Variants in FBXW7 observed in about 807,000 individuals in gnomAD.
FBXW7 encodes the protein F-box and WD repeat domain containing 7, also known as F-box/WD repeat-containing protein 7.
Under a neutral mutation model 86.3 loss-of-function variants are expected in FBXW7, and 11 were observed. That is an observed-to-expected ratio of 0.13 (90% CI 0.08 to 0.21). The LOEUF is 0.21. FBXW7 is among the 10% of genes least tolerant of loss of function. The pLI, the probability that FBXW7 is intolerant of heterozygous loss-of-function variation, is 1.00. For synonymous variants in FBXW7, 313 were observed against 297.9 expected, an observed-to-expected ratio of 1.05 and a Z score of -0.52; for missense variants, 488 against 847.4, an observed-to-expected ratio of 0.58 and a Z score of 5.27.
intron 2 of FBXW7, among the ~76,000 whole-genome samples, chr4:152,496,335 G>A (rs963862653): frequency 1.3e-5 from 2 of 151,734 alleles, no homozygotes; most frequent in Admixed American, 6.6e-5. Context: ...TGCCATTCAC[G>A]ATGGTAACAA....
At chr4:152,487,027 ATT>A (rs1384809792) in intron 2 of FBXW7, among the ~76,000 whole-genome samples, 1 of 152,170 alleles carries the variant, frequency 6.6e-6, no homozygotes, top group African/African-American at 2.4e-5. Flanking sequence ...ACAATAATGG[ATT>A]TTAGTTCACC....
chr4:152,426,539 A>G (rs1010357135), intron 2 of FBXW7, among the ~76,000 whole-genome samples: 2 of 152,032 alleles, frequency 1.3e-5, no homozygotes, highest in African/African-American at 4.8e-5. Context: ...TAGTAGAGAC[A>G]GGAGTGTCAC....
chr4:152,448,224 C>T (rs1345586387), intron 2 of FBXW7, among the ~76,000 whole-genome samples: 1 of 152,214 alleles, frequency 6.6e-6, no homozygotes, highest in Admixed American at 6.5e-5. Flanking sequence ...AAGTGGTTGT[C>T]AGTGCAGCTA....
chr4:152,395,431 G>GT (rs1226130754), intron 4 of FBXW7, among the ~76,000 whole-genome samples: 4 of 151,814 alleles, frequency 2.6e-5, no homozygotes, highest in Admixed American at 1.3e-4. Flanking sequence ...TTCTACTCCA[G>GT]TATTGTCCCT....
chr4:152,439,811 A>T (rs1277991611), intron 2 of FBXW7, among the ~76,000 whole-genome samples: 5 of 149,600 alleles, frequency 3.3e-5, no homozygotes, highest in Non-Finnish European at 4.4e-5. Context: ...GCTTGCAGTG[A>T]GCCAAGATCG....
chr4:152,501,904 T>A (rs1274469312), intron 2 of FBXW7, among the ~76,000 whole-genome samples: 1 of 152,148 alleles, frequency 6.6e-6, no homozygotes, highest in Non-Finnish European at 1.5e-5. Flanking sequence ...TCTGATTAAA[T>A]CCTTTTATCC....
At chr4:152,460,641 G>C (rs1742853618) in intron 2 of FBXW7, among the ~76,000 whole-genome samples, 1 of 152,208 alleles carries the variant, frequency 6.6e-6, no homozygotes, top group Non-Finnish European at 1.5e-5. Flanking sequence ...TCCATGGCTA[G>C]AGGTCGCCAT....
intron 2 of FBXW7, chr4:152,530,152 T>C (rs966772813): frequency 1.3e-5 from 2 of 151,336 alleles, no homozygotes; most frequent in Admixed American, 6.6e-5. Flanking sequence ...TATATGTATA[T>C]ACATCAAAGC....
chr4:152,399,481 A>G (rs971319553), intron 4 of FBXW7, among the ~76,000 whole-genome samples: 2 of 152,198 alleles, frequency 1.3e-5, no homozygotes, highest in African/African-American at 4.8e-5. Context: ...GCACAAAGAC[A>G]AGAAAAGGAA....
chr4:152,340,010 AGAACAGAT>A (rs1247729163), intron 6 of FBXW7, among the ~76,000 whole-genome samples: 1 of 151,930 alleles, frequency 6.6e-6, no homozygotes, highest in Admixed American at 6.6e-5. Context: ...TAAAGAAGAC[AGAACAGAT>A]GAACAGATGA....
At chr4:152,503,972 A>C (rs1406405581) in intron 2 of FBXW7, among the ~76,000 whole-genome samples, 1 of 152,248 alleles carries the variant, frequency 6.6e-6, no homozygotes, top group Non-Finnish European at 1.5e-5. Context: ...AATACATTTA[A>C]AACATCTGTG....
chr4:152,422,694 C>A (rs746090035), intron 2 of FBXW7, among the ~76,000 whole-genome samples: 1 of 152,116 alleles, frequency 6.6e-6, no homozygotes, highest in East Asian at 1.9e-4. Context: ...TTCTTGTGAC[C>A]ACCACACAGC....
At chr4:152,429,144 C>T (rs1007861453) in intron 2 of FBXW7, among the ~76,000 whole-genome samples, 12 of 152,036 alleles carry the variant, frequency 7.9e-5, no homozygotes, top group East Asian at 1.9e-4. Context: ...GAGCCGAGAT[C>T]GGGTCATTGC....
intron 11 of FBXW7, 34 bp downstream of exon 11, chr4:152,328,170 GAGGA>G: frequency 6.5e-7 from 1 of 1,550,340 alleles, no homozygotes; most frequent in Non-Finnish European, 8.7e-7. Flanking sequence ...ACCAATAATA[GAGGA>G]AGAAGTCCCA....
intron 2 of FBXW7, among the ~76,000 whole-genome samples, chr4:152,478,510 T>C (rs1284880054): frequency 2.0e-5 from 3 of 152,190 alleles, no homozygotes; most frequent in African/African-American, 7.2e-5. Context: ...GTATGAGTAA[T>C]GCTGCTATGA....
chr4:152,516,643 T>C (rs998012889), intron 2 of FBXW7, among the ~76,000 whole-genome samples: 1 of 152,206 alleles, frequency 6.6e-6, no homozygotes, highest in Non-Finnish European at 1.5e-5. Context: ...TTTCTAAAAC[T>C]TCACATTATT....
intron 2 of FBXW7, among the ~76,000 whole-genome samples, chr4:152,499,067 A>C (rs1302502779): frequency 1.3e-5 from 2 of 152,190 alleles, no homozygotes; most frequent in African/African-American, 4.8e-5. Flanking sequence ...AGAGAACTGA[A>C]GAATCCACTT....
chr4:152,522,939 T>C (rs1749157651), intron 2 of FBXW7, among the ~76,000 whole-genome samples: 1 of 152,222 alleles, frequency 6.6e-6, no homozygotes, highest in Non-Finnish European at 1.5e-5. Flanking sequence ...TGTTGAGCTC[T>C]ACCACTAATG....
intron 7 of FBXW7, among the ~76,000 whole-genome samples, chr4:152,335,625 T>C (rs528256540): frequency 5.9e-5 from 9 of 152,368 alleles, no homozygotes; most frequent in African/African-American, 2.2e-4. Context: ...AATTGAAACG[T>C]ATTTCAGATA....
Sources: gnomAD v4.1 joint callset for allele counts (sites outside exome capture counted in the v4.1 genomes callset) on GRCh38, gnomAD v4.1.1 for gene constraint, MANE v1.5 for transcripts, NCBI Gene and HGNC (gene_info 2026-07-23, HGNC 2026-07-21) for gene names.